Variants in MTCL3 observed in about 807,000 individuals in gnomAD.
MTCL3 encodes the protein microtubule cross-linking factor 3.
chr6:127,475,395 C>T, the MTCL3 span: 1 of 1,613,374 alleles, frequency 6.2e-7, no homozygotes, highest in Non-Finnish European at 8.5e-7. This position sits in a 1 kb window ranked among gnomAD's most constrained non-coding sequence, Gnocchi z 7.3. Flanking sequence ...AGGCCTTCAT[C>T]TGAGCGTTGA....
chr6:127,515,070 G>T, the MTCL3 span: 1 of 1,606,292 alleles, frequency 6.2e-7, no homozygotes, highest in Non-Finnish European at 8.5e-7. The surrounding 1 kb of genome is among the most constrained non-coding windows in gnomAD (Gnocchi z 4.3). Flanking sequence ...CAGGCCGCGT[G>T]TCAAAATCAA....
the MTCL3 span, among the ~76,000 whole-genome samples, chr6:127,503,081 T>C: frequency 3.9e-5 from 6 of 152,168 alleles, no homozygotes. Flanking sequence ...GATTATAGAT[T>C]CTAGGAGTAT....
the MTCL3 span, among the ~76,000 whole-genome samples, chr6:127,500,317 A>G: frequency 6.6e-6 from 1 of 152,206 alleles, no homozygotes; most frequent in Non-Finnish European, 1.5e-5. Context: ...TGACTCAATA[A>G]TTTCATTCTG....
At chr6:127,487,402 G>C in the MTCL3 span, among the ~76,000 whole-genome samples, 3 of 152,098 alleles carry the variant, frequency 2.0e-5, no homozygotes, top group Non-Finnish European at 2.9e-5. Flanking sequence ...ACCACTTACT[G>C]GTTCTTAAAT....
At chr6:127,516,067 C>T in the MTCL3 span, 1 of 1,522,320 alleles carries the variant, frequency 6.6e-7, no homozygotes, top group East Asian at 2.5e-5. Context: ...GCCCCCCTCC[C>T]TTTCCCCGGA....
the MTCL3 span, chr6:127,473,058 G>T: frequency 1.8e-6 from 2 of 1,092,344 alleles, no homozygotes; most frequent in Non-Finnish European, 2.2e-6. Context: ...AATTCATACA[G>T]AAAAATGTCA....
the MTCL3 span, among the ~76,000 whole-genome samples, chr6:127,490,213 G>A: frequency 6.6e-6 from 1 of 152,072 alleles, no homozygotes; most frequent in Non-Finnish European, 1.5e-5. Flanking sequence ...AATATTTTAA[G>A]CCCACTTTTG....
the MTCL3 span, among the ~76,000 whole-genome samples, chr6:127,486,139 TAA>T: frequency 1.3e-5 from 2 of 152,178 alleles, no homozygotes; most frequent in African/African-American, 4.8e-5. Flanking sequence ...TAAATTAATA[TAA>T]GAGCAATGCT....
the MTCL3 span, chr6:127,518,888 G>A: frequency 6.6e-6 from 1 of 152,364 alleles, no homozygotes; most frequent in South Asian, 2.1e-4. Context: ...GAGGTACCAA[G>A]CTGGGCCAGA....
the MTCL3 span, among the ~76,000 whole-genome samples, chr6:127,483,715 C>G: frequency 6.6e-6 from 1 of 152,202 alleles, no homozygotes; most frequent in Non-Finnish European, 1.5e-5. Context: ...TAGTGCCAAA[C>G]TGTTTCAAGG....
At chr6:127,497,745 T>C in the MTCL3 span, among the ~76,000 whole-genome samples, 2 of 152,078 alleles carry the variant, frequency 1.3e-5, no homozygotes, top group South Asian at 4.1e-4. Flanking sequence ...CAACATTGAA[T>C]GTATAAAGAA....
the MTCL3 span, among the ~76,000 whole-genome samples, chr6:127,503,988 C>T: frequency 6.6e-6 from 1 of 152,086 alleles, no homozygotes. Context: ...GTTGTGGACA[C>T]AGTTAATAAC....
chr6:127,486,338 A>G, the MTCL3 span, among the ~76,000 whole-genome samples: 1 of 152,204 alleles, frequency 6.6e-6, no homozygotes, highest in Non-Finnish European at 1.5e-5. Flanking sequence ...TTTTCAATAA[A>G]TATTTCATAT....
the MTCL3 span, chr6:127,515,898 C>A: frequency 1.9e-6 from 3 of 1,611,806 alleles, no homozygotes; most frequent in East Asian, 4.5e-5. The surrounding 1 kb of genome is among the most constrained non-coding windows in gnomAD (Gnocchi z 4.3). Context: ...TGCCGCCCCC[C>A]GCAACGCCGC....
At chr6:127,473,793 G>A in the MTCL3 span, among the ~76,000 whole-genome samples, 19 of 152,322 alleles carry the variant, frequency 1.2e-4, no homozygotes, top group African/African-American at 4.1e-4. Context: ...CATGCATGCT[G>A]TTGTACTTCC....
the MTCL3 span, chr6:127,475,592 G>T: frequency 6.2e-7 from 1 of 1,604,706 alleles, no homozygotes; most frequent in Non-Finnish European, 8.5e-7. The surrounding 1 kb of genome is among the most constrained non-coding windows in gnomAD (Gnocchi z 7.3). Context: ...ATCTGCTGCC[G>T]ATCGGAGAAG....
the MTCL3 span, chr6:127,515,102 CACACACCGT>C: frequency 6.7e-7 from 1 of 1,481,524 alleles, no homozygotes; most frequent in Non-Finnish European, 9.4e-7. This position sits in a 1 kb window ranked among gnomAD's most constrained non-coding sequence, Gnocchi z 4.3. Flanking sequence ...GCCCTTCCGA[CACACACCGT>C]ACACACCCCA....
the MTCL3 span, chr6:127,481,290 C>A: frequency 1.0e-6 from 1 of 985,066 alleles, no homozygotes; most frequent in Non-Finnish European, 1.2e-6. Flanking sequence ...TGATTCACAA[C>A]AAAATATTTA....
chr6:127,497,215 A>G, the MTCL3 span, among the ~76,000 whole-genome samples: 1 of 152,212 alleles, frequency 6.6e-6, no homozygotes, highest in Non-Finnish European at 1.5e-5. Flanking sequence ...TAAAAAATCA[A>G]TCAGGTAGCT....
Sources: allele counts gnomAD v4.1 joint callset (sites outside exome capture counted in the v4.1 genomes callset), GRCh38; gene constraint gnomAD v4.1.1; non-coding constraint Gnocchi (gnomAD v3.1); transcripts MANE v1.5; gene names NCBI Gene and HGNC (gene_info 2026-07-23, HGNC 2026-07-21).